ZFHX3: variants seen among roughly 807,000 people sequenced by gnomAD.
ZFHX3 encodes zinc finger homeobox 3.
A neutral mutation model predicts 279.1 loss-of-function variants in ZFHX3; 42 were observed. That is an observed-to-expected ratio of 0.15 (90% CI 0.12 to 0.19). The LOEUF (loss-of-function observed/expected upper bound fraction) is 0.19, where lower values mean the gene tolerates loss of function less well. Among genes scored for constraint, ZFHX3 ranks in the 10% least tolerant of loss-of-function variants. ZFHX3 has a pLI of 1.00. For missense variants in ZFHX3, 4,981 were observed against 4,754.0 expected (o/e 1.05, Z -1.40); for synonymous variants, 2,293 against 1,957.8 (o/e 1.17, Z -4.52).
intron 1 of ZFHX3, among the ~76,000 whole-genome samples, chr16:73,842,679 C>T (rs1961342459): frequency 1.3e-5 from 2 of 152,154 alleles, no homozygotes; most frequent in Admixed American, 1.3e-4. Flanking sequence ...AAAACAACAA[C>T]AACAGCAACA....
At chr16:72,831,585 G>A (rs913955947) in intron 4 of ZFHX3, among the ~76,000 whole-genome samples, 2 of 152,162 alleles carry the variant, frequency 1.3e-5, no homozygotes, top group Non-Finnish European at 2.9e-5. Context: ...ATGTATAGGT[G>A]TCAGTAGAGT....
chr16:72,838,544 G>A (rs994185971), intron 4 of ZFHX3, among the ~76,000 whole-genome samples: 2 of 152,136 alleles, frequency 1.3e-5, no homozygotes, highest in South Asian at 2.1e-4. Flanking sequence ...CCTTTCAGCC[G>A]TCCCTCCTGT....
intron 2 of ZFHX3, among the ~76,000 whole-genome samples, chr16:73,667,427 A>G (rs887939763): frequency 3.0e-4 from 46 of 152,328 alleles, no homozygotes; most frequent in African/African-American, 1.1e-3. Flanking sequence ...TCTTGGGAAA[A>G]TCCCTAGGAG....
chr16:73,682,380 G>C (rs548067734), intron 1 of ZFHX3, among the ~76,000 whole-genome samples: 1 of 152,036 alleles, frequency 6.6e-6, no homozygotes, highest in African/African-American at 2.4e-5. Flanking sequence ...TGTTGTTTTG[G>C]AGAAAGATTA....
chr16:73,562,411 C>A (rs572297251), intron 2 of ZFHX3, among the ~76,000 whole-genome samples: 12 of 151,908 alleles, frequency 7.9e-5, no homozygotes, highest in Non-Finnish European at 1.6e-4. Flanking sequence ...CTGGCTAACA[C>A]GGTGAAACCC....
intron 3 of ZFHX3, among the ~76,000 whole-genome samples, chr16:72,937,836 GT>G (rs2144330211): frequency 6.6e-6 from 1 of 152,302 alleles, no homozygotes; most frequent in East Asian, 1.9e-4. Context: ...GACTTTTTCA[GT>G]TTTCCAACAA....
intron 1 of ZFHX3, among the ~76,000 whole-genome samples, chr16:73,855,216 C>CTTTTTTTTT (rs1032892286): frequency 9.0e-6 from 1 of 111,494 alleles, no homozygotes; most frequent in Non-Finnish European, 1.8e-5. Context: ...AGGCGTTAGC[C>CTTTTTTTTT]TTTTTTTTTT....
intron 2 of ZFHX3, among the ~76,000 whole-genome samples, chr16:73,562,217 G>A (rs960749352): frequency 1.3e-5 from 2 of 152,166 alleles, no homozygotes; most frequent in South Asian, 2.1e-4. Flanking sequence ...CTCTGTCAAA[G>A]TCGTCACTAA....
chr16:72,818,739 G>C (rs1477860867), intron 5 of ZFHX3, among the ~76,000 whole-genome samples: 3 of 152,200 alleles, frequency 2.0e-5, no homozygotes, highest in Admixed American at 1.3e-4. Flanking sequence ...CCAGCCTGGT[G>C]AAGTTAAGAA....
intron 2 of ZFHX3, among the ~76,000 whole-genome samples, chr16:73,465,432 C>T (rs1217331350): frequency 6.6e-6 from 1 of 152,152 alleles, no homozygotes; most frequent in Admixed American, 6.5e-5. Context: ...ATCTCACATC[C>T]CGCCACCTCG....
intron 8 of ZFHX3, among the ~76,000 whole-genome samples, chr16:73,086,971 T>A (rs1488144503): frequency 6.6e-6 from 1 of 151,996 alleles, no homozygotes; most frequent in Non-Finnish European, 1.5e-5. Context: ...AGAACTGGAA[T>A]GCTCCCAACA....
At position 72,788,815 on chromosome 16, in the gene ZFHX3, A is replaced by C; in HGVS notation, c.9461T>G (p.Leu3154Arg). ...AGGGGAAGGAACAGTTGTGCTGGGC[A>C]GACCCATCAAGTTCGGCTTAGGAGA... ...LTSPKPNLMG[L>R]PSTTVPSPGL... Residue 3154 changes from leucine (L) to arginine (R), a missense_variant, in exon 10 of 10, where the codon CTG (leucine) becomes CGG (arginine). This residue lies in a region of ZFHX3 where 1,034 missense variants were observed against 786.0 expected (regional missense o/e 1.32). Coordinates refer to ENST00000268489, the MANE Select transcript of ZFHX3 (RefSeq NM_006885.4). The C allele has an allele frequency of 1.3e-6, 2 of 1,525,870 alleles. No homozygotes were observed. The highest frequency in any genetic ancestry group is 1.8e-6 in the Non-Finnish European group (2 of 1,140,454). The allele number at this position is 1,525,870 out of a possible 1,614,324, so 94.5% of individuals were successfully genotyped here. A position where few individuals can be genotyped will look rare whatever the true frequency, so the allele number is the denominator to read the frequency against.
At chr16:73,520,439 A>T (rs1006479472) in intron 2 of ZFHX3, among the ~76,000 whole-genome samples, 2 of 152,228 alleles carry the variant, frequency 1.3e-5, no homozygotes, top group Non-Finnish European at 2.9e-5. Context: ...CTTTTACCAG[A>T]TGAGGAATTT....
Position 72,802,910 on chromosome 16 carries a change from G to A in ZFHX3, c.3865-2781C>T, listed in dbSNP as rs114297041. Reference sequence around the variant, plus strand: ...ACTGAGGTGATATATATATCCAAAGGCAGACTTCCTTCAACACTTGCCTTG... The same window carrying A: ...ACTGAGGTGATATATATATCCAAAGACAGACTTCCTTCAACACTTGCCTTG... On this transcript the variant is annotated intron_variant, in intron 7 of 9. Transcript: ENST00000268489. Among the ~76,000 whole-genome samples, 1,114 of 152,238 alleles carry A rather than the reference G, an allele frequency of 7.3e-3. 21 individuals carry two copies. The highest frequency in any genetic ancestry group is 0.025 in the African/African-American group (1,047 of 41,536).
At chr16:73,097,747 T>A (rs1966183135) in intron 7 of ZFHX3, among the ~76,000 whole-genome samples, 1 of 152,154 alleles carries the variant, frequency 6.6e-6, no homozygotes, top group Non-Finnish European at 1.5e-5. Context: ...CCGTGGCCCC[T>A]CCAGCCCCTG....
chr16:73,120,875 T>G (rs1332525145), intron 7 of ZFHX3, among the ~76,000 whole-genome samples: 2 of 151,892 alleles, frequency 1.3e-5, no homozygotes, highest in African/African-American at 4.8e-5. Context: ...AGCATGGTCT[T>G]GATATCCTGA....
chr16:73,515,373 G>A (rs971503592), intron 2 of ZFHX3, among the ~76,000 whole-genome samples: 1 of 152,096 alleles, frequency 6.6e-6, no homozygotes, highest in Non-Finnish European at 1.5e-5. Flanking sequence ...CACAAAGATG[G>A]TGCCAATGTG....
intron 5 of ZFHX3, among the ~76,000 whole-genome samples, chr16:73,225,038 T>C (rs1567422955): frequency 6.6e-6 from 1 of 152,198 alleles, no homozygotes; most frequent in South Asian, 2.1e-4. Flanking sequence ...TTTAAATAGA[T>C]TTAGCCTCAT....
At chr16:73,637,211 A>G (rs1387393428) in intron 2 of ZFHX3, among the ~76,000 whole-genome samples, 2 of 151,068 alleles carry the variant, frequency 1.3e-5, no homozygotes, top group African/African-American at 4.9e-5. Context: ...TGAGGTTAAA[A>G]CCATATTTTT....
Sources: allele counts gnomAD v4.1 joint callset (sites outside exome capture counted in the v4.1 genomes callset), GRCh38; gene constraint gnomAD v4.1.1; regional missense constraint gnomAD v4.1.1; transcripts MANE v1.5; gene names NCBI Gene and HGNC (gene_info 2026-07-23, HGNC 2026-07-21).